Variants in SLC4A4 observed in about 807,000 individuals in gnomAD.
SLC4A4 encodes electrogenic sodium bicarbonate cotransporter 1.
In SLC4A4, 27 loss-of-function variants were observed where a neutral mutation model predicts 111.5. That is an observed-to-expected ratio of 0.24 (90% confidence interval 0.18 to 0.33). SLC4A4 has a LOEUF of 0.33. Among genes scored for constraint, SLC4A4 ranks in the 10% least tolerant of loss-of-function variants. The probability of loss-of-function intolerance (pLI) is 1.00; values close to 1 mark genes in which losing one functional copy is unlikely to be tolerated. For synonymous variants in SLC4A4, 443 were observed against 463.4 expected (o/e 0.96, Z 0.57); for missense variants, 909 against 1,315.5 (o/e 0.69, Z 4.78).
At chr4:71,419,387 G>T (rs1340802210) in intron 7 of SLC4A4, among the ~76,000 whole-genome samples, 17 of 152,246 alleles carry the variant, frequency 1.1e-4, no homozygotes, top group Admixed American at 1.1e-3. Context: ...ACCTAAGCAA[G>T]CCTGGACAAT....
chr4:71,373,825 TA>T (rs1732100838), intron 6 of SLC4A4, among the ~76,000 whole-genome samples: 1 of 152,108 alleles, frequency 6.6e-6, no homozygotes, highest in African/African-American at 2.4e-5. Context: ...AGAAATGTTA[TA>T]GGAATGGTGT....
chr4:71,526,070 A>C (rs1425968798), intron 16 of SLC4A4, among the ~76,000 whole-genome samples: 1 of 151,980 alleles, frequency 6.6e-6, no homozygotes, highest in Non-Finnish European at 1.5e-5. Context: ...TACTTCTACT[A>C]TGTCAGTTTT....
rs562906005 is a variant in SLC4A4, at chr4:71,536,622, G to A, written c.2442+2234G>A. On this transcript the variant is annotated intron_variant, in intron 18 of 25. Transcript: ENST00000264485. The stretch of plus-strand genomic sequence containing the variant: ...AGTGATTCTCCTGCCTCAGCCTCCC[G>A]AGTAGCTGGAATTACAGGGGCATGC... Among the ~76,000 whole-genome samples the A allele has an allele frequency of 1.2e-3, 178 of 150,248 alleles. 1 individual carries two copies. The highest frequency in any genetic ancestry group is 4.0e-3 in the African/African-American group (166 of 41,016).
chr4:71,470,660 A>G (rs563791726), intron 13 of SLC4A4, among the ~76,000 whole-genome samples: 1 of 152,164 alleles, frequency 6.6e-6, no homozygotes, highest in South Asian at 2.1e-4. Flanking sequence ...CAGAACCCAT[A>G]AAATGTGAGT....
intron 3 of SLC4A4, among the ~76,000 whole-genome samples, chr4:71,312,821 G>A (rs1430768424): frequency 6.6e-6 from 1 of 152,190 alleles, no homozygotes; most frequent in Non-Finnish European, 1.5e-5. Context: ...GTATCATACT[G>A]AATGGGCAAA....
At position 71,357,121 on chromosome 4, in the gene SLC4A4, C is replaced by T; in HGVS notation, c.664C>T (p.Arg222Trp). 3.7e-6 allele frequency: 6 copies of T among 1,614,146 alleles called. No homozygotes were observed. Among genetic ancestry groups the T allele is most frequent in the Non-Finnish European group, 4.2e-6 (5 of 1,180,028 alleles). Residue 222 changes from arginine (R) to tryptophan (W), a missense_variant, in exon 6 of 26, where the codon CGG becomes TGG. Coordinates refer to ENST00000264485, the MANE Select transcript of SLC4A4 (RefSeq NM_001098484.3). ...HRHQTKKSNL[R>W]SLADIGKTVS... is the part of the protein sequence containing the mutation. ...GCATCAAACCAAGAAATCCAACCTT[C>T]GGTCCCTGGCTGACATTGGGAAGAC...
intron 3 of SLC4A4, among the ~76,000 whole-genome samples, chr4:71,269,086 C>T (rs1413524546): frequency 6.6e-6 from 1 of 152,196 alleles, no homozygotes; most frequent in African/African-American, 2.4e-5. Flanking sequence ...CTTTGGACTT[C>T]TGGTCTGACC....
chr4:71,259,597 G>A (rs1231573710), intron 3 of SLC4A4, among the ~76,000 whole-genome samples: 1 of 152,002 alleles, frequency 6.6e-6, no homozygotes, highest in African/African-American at 2.4e-5. Context: ...GTTAGATTGT[G>A]CTCTTTCTTA....
chr4:71,172,272 T>C (rs538577921), intron 2 of SLC4A4, among the ~76,000 whole-genome samples: 1 of 152,040 alleles, frequency 6.6e-6, no homozygotes, highest in South Asian at 2.1e-4. Context: ...TTTTTTTTTT[T>C]TTGAGACGGA....
rs569340710 is a variant in SLC4A4 at position 71,229,585 on chromosome 4, G to A, written c.-1-6991G>A. 1.4e-3 allele frequency among the ~76,000 whole-genome samples: 209 copies of A among 152,252 alleles called. 1 individual carries two copies. Among genetic ancestry groups the A allele is most frequent in the South Asian group, 1.0e-2 (48 of 4,822 alleles). The stretch of plus-strand genomic sequence containing the variant: ...CTGGGCCTGTGTAAATTTCCAGGCT[G>A]ATTAGGGTGCTCCTGAGCTCTGGGA... On this transcript the variant is annotated intron_variant, in intron 1 of 25. Coordinates refer to ENST00000264485, the MANE Select transcript of SLC4A4 (RefSeq NM_001098484.3).
At chr4:71,388,197 T>G (rs1054426758) in intron 6 of SLC4A4, among the ~76,000 whole-genome samples, 1 of 152,206 alleles carries the variant, frequency 6.6e-6, no homozygotes, top group Non-Finnish European at 1.5e-5. Flanking sequence ...TTTTATATGG[T>G]TTCATCACAT....
At chr4:71,241,172 T>C (rs1357881149) in intron 2 of SLC4A4, among the ~76,000 whole-genome samples, 1 of 152,106 alleles carries the variant, frequency 6.6e-6, no homozygotes, top group Non-Finnish European at 1.5e-5. Flanking sequence ...ATCTTAGTAC[T>C]CTTATTCTAA....
chr4:71,175,677 C>A (rs1578552301), intron 2 of SLC4A4, among the ~76,000 whole-genome samples: 1 of 152,198 alleles, frequency 6.6e-6, no homozygotes, highest in East Asian at 1.9e-4. Flanking sequence ...ACAAAGCAGT[C>A]AGGAAGCTCC....
At chr4:71,364,164 C>T (rs1233023951) in intron 6 of SLC4A4, among the ~76,000 whole-genome samples, 6 of 152,132 alleles carry the variant, frequency 3.9e-5, no homozygotes, top group Non-Finnish European at 8.8e-5. Flanking sequence ...ACATTGAAGG[C>T]CTACTTTGTA....
chr4:71,542,626 G>A (rs1416317972), intron 18 of SLC4A4, among the ~76,000 whole-genome samples: 1 of 151,934 alleles, frequency 6.6e-6, no homozygotes, highest in Non-Finnish European at 1.5e-5. Context: ...CTCTGAGCTG[G>A]TTATGGCTCA....
chr4:71,533,460 G>A (rs567600601), intron 17 of SLC4A4, among the ~76,000 whole-genome samples: 54 of 152,140 alleles, frequency 3.5e-4, no homozygotes, highest in African/African-American at 1.2e-3. Flanking sequence ...AATTCACAGT[G>A]TTCTATTTTA....
intron 11 of SLC4A4, 152 bp from the exon 12 acceptor site, chr4:71,453,343 G>T: frequency 1.3e-6 from 1 of 783,356 alleles, no homozygotes; most frequent in South Asian, 1.6e-5. Context: ...TTCCTTTATA[G>T]TTTTCTGGTT....
chr4:71,233,776 C>G (rs894662004), intron 1 of SLC4A4, among the ~76,000 whole-genome samples: 1 of 152,092 alleles, frequency 6.6e-6, no homozygotes, highest in Non-Finnish European at 1.5e-5. Context: ...CTTCCCCTGG[C>G]TCCTTCAATA....
intron 8 of SLC4A4, among the ~76,000 whole-genome samples, chr4:71,442,408 C>T (rs1047157009): frequency 2.6e-5 from 4 of 152,104 alleles, no homozygotes; most frequent in African/African-American, 4.8e-5. Context: ...ATAATCTGAA[C>T]GATATATCCT....
Sources: gnomAD v4.1 joint callset for allele counts (sites outside exome capture counted in the v4.1 genomes callset) on GRCh38, gnomAD v4.1.1 for gene constraint, MANE v1.5 for transcripts, NCBI Gene and HGNC (gene_info 2026-07-23, HGNC 2026-07-21) for gene names.